Variants in GRIN3A observed in about 807,000 individuals in gnomAD.
GRIN3A encodes glutamate receptor ionotropic, NMDA 3A.
In GRIN3A, 47 loss-of-function variants were observed where a neutral mutation model predicts 92.4. That is an observed-to-expected ratio of 0.51 (90% CI 0.40 to 0.65). GRIN3A has a LOEUF of 0.65. GRIN3A is among the 30% of genes least tolerant of loss of function. GRIN3A has a pLI of 0.00. For synonymous variants in GRIN3A, 527 were observed against 540.6 expected (o/e 0.97, Z 0.35); for missense variants, 1,324 against 1,393.1 (o/e 0.95, Z 0.79).
At chr9:101,595,100 A>G in intron 6 of GRIN3A, 2 of 620,350 alleles carry the variant, frequency 3.2e-6, no homozygotes, top group Non-Finnish European at 2.7e-6. Context: ...TCAGAGAGGG[A>G]GCGGAGAGAG....
Position 101,716,085 on chromosome 9 carries a change from C to T in GRIN3A, c.699+21196G>A, listed in dbSNP as rs916488846. 2.2e-4 allele frequency among the ~76,000 whole-genome samples: 33 copies of T among 152,014 alleles called. 1 individual carries two copies. Among genetic ancestry groups the T allele is most frequent in the African/African-American group, 6.3e-4 (26 of 41,478 alleles). ...AGTCCATTTATTTAGCAACTTTTTTCGCATGGAATTTGGAAACACTAAAGA... is the reference window on the plus strand; with the variant it reads ...AGTCCATTTATTTAGCAACTTTTTTTGCATGGAATTTGGAAACACTAAAGA... On this transcript the variant is annotated intron_variant, in intron 1 of 8. Transcript: ENST00000361820.
Position 101,569,686 on chromosome 9 carries a change from A to G in GRIN3A, c.*3488T>C, listed in dbSNP as rs1486987907. The G allele has an allele frequency of 1.3e-5, 2 of 152,234 alleles. No homozygotes were observed. Among genetic ancestry groups the G allele is most frequent in the African/African-American group, 4.8e-5 (2 of 41,452 alleles). The allele number at this position is 152,234 out of a possible 1,614,324, so 9.4% of individuals were successfully genotyped here. On this transcript the variant is annotated 3_prime_UTR_variant, in exon 9 of 9. Transcript: ENST00000361820. The stretch of plus-strand genomic sequence containing the variant: ...TAGGTGGGTAAAGAAAGGAATAACT[A>G]AACAGTATAGATAGTAAAGTAGTAT...
rs193283281 is a variant in GRIN3A, at chr9:101,699,594, A to G, written c.700-12394T>C. ...TCTAGCATCTCAAAACACTAAATTCATAATGCTGATGATTTATTTTATATC... is the reference window on the plus strand; with the variant it reads ...TCTAGCATCTCAAAACACTAAATTCGTAATGCTGATGATTTATTTTATATC... On this transcript the variant is annotated intron_variant, in intron 1 of 8. Coordinates refer to ENST00000361820, the MANE Select transcript of GRIN3A (RefSeq NM_133445.3). Among the ~76,000 whole-genome samples, 112 of 152,294 alleles carry G rather than the reference A, an allele frequency of 7.4e-4. 1 individual carries two copies. Among genetic ancestry groups the G allele is most frequent in the Non-Finnish European group, 1.4e-3 (93 of 68,016 alleles).
intron 2 of GRIN3A, among the ~76,000 whole-genome samples, chr9:101,684,063 T>C (rs1051652203): frequency 6.9e-6 from 1 of 145,326 alleles, no homozygotes; most frequent in Admixed American, 6.9e-5. Context: ...CCCCTTCCCT[T>C]CCCTCCCCCT....
chr9:101,737,568 C>G lies in GRIN3A; in HGVS notation c.412G>C (p.Val138Leu), dbSNP rs139027120. ...LLFAVDNLNRVEGLLPYNLSL... is the reference protein window; with the variant it reads ...LLFAVDNLNRLEGLLPYNLSL... ...AGGTTGTAGGGTAGCAGCCCTTCCA[C>G]GCGGTTCAGGTTGTCCACGGCAAAT... The change falls in exon 1 of 9, where the codon GTG becomes CTG. Residue 138 changes from valine to leucine, a missense_variant. Val to Leu is a conservative substitution (Grantham distance 32). Coordinates refer to ENST00000361820, the MANE Select transcript of GRIN3A (RefSeq NM_133445.3). The G allele has an allele frequency of 1.2e-6, 2 of 1,614,196 alleles. No individual in the cohort carries two copies. Among genetic ancestry groups the G allele is most frequent in the South Asian group, 1.1e-5 (1 of 91,090 alleles).
chr9:101,725,806 G>C (rs1174460413), intron 1 of GRIN3A, among the ~76,000 whole-genome samples: 1 of 152,066 alleles, frequency 6.6e-6, no homozygotes, highest in Non-Finnish European at 1.5e-5. Context: ...ATGTTGGCCT[G>C]GCTTGCAATG....
chr9:101,702,055 A>G (rs1361861359), intron 1 of GRIN3A, among the ~76,000 whole-genome samples: 1 of 152,070 alleles, frequency 6.6e-6, no homozygotes, highest in Non-Finnish European at 1.5e-5. Flanking sequence ...TAATCTCAGC[A>G]CCTTGTGAGG....
chr9:101,697,096 G>T (rs1174349649), intron 1 of GRIN3A, among the ~76,000 whole-genome samples: 1 of 152,036 alleles, frequency 6.6e-6, no homozygotes, highest in Non-Finnish European at 1.5e-5. Flanking sequence ...ACTTTTTATT[G>T]ATTCACATTC....
intron 4 of GRIN3A, among the ~76,000 whole-genome samples, chr9:101,624,302 C>T (rs1381382773): frequency 5.9e-5 from 9 of 151,512 alleles, no homozygotes; most frequent in Admixed American, 4.6e-4. Flanking sequence ...TATACATGTG[C>T]CATGCTGGTG....
Position 101,669,364 on chromosome 9 carries a change from C to T in GRIN3A, c.2352+696G>A, listed in dbSNP as rs981387457. ...TTACCTGCACTCTACACTTCCTCTT[C>T]CTTCTTCCCTTAGGGTCAGATGTCT... is the stretch of plus-strand genomic sequence containing the variant. On this transcript the variant is annotated intron_variant, in intron 3 of 8. Coordinates refer to ENST00000361820, the MANE Select transcript of GRIN3A (RefSeq NM_133445.3). Among the ~76,000 whole-genome samples the T allele has an allele frequency of 5.9e-5, 9 of 152,086 alleles. No homozygotes were observed. The East Asian group carries it at 1.7e-3, about 29-fold the overall frequency.
intron 3 of GRIN3A, among the ~76,000 whole-genome samples, chr9:101,666,790 C>A (rs2118943639): frequency 6.6e-6 from 1 of 152,198 alleles, no homozygotes; most frequent in African/African-American, 2.4e-5. Context: ...TTTGTTGCCT[C>A]TCCCAACCAA....
chr9:101,637,131 C>T (rs1264510146), intron 3 of GRIN3A, among the ~76,000 whole-genome samples: 2 of 151,914 alleles, frequency 1.3e-5, no homozygotes, highest in Non-Finnish European at 2.9e-5. Context: ...CTCGCTCTGT[C>T]GCCCAGGCTG....
At chr9:101,615,667 C>A (rs1828440506) in intron 5 of GRIN3A, among the ~76,000 whole-genome samples, 1 of 151,846 alleles carries the variant, frequency 6.6e-6, no homozygotes, top group African/African-American at 2.4e-5. Context: ...TTTATTCAAT[C>A]TTTAAGTCTC....
intron 3 of GRIN3A, among the ~76,000 whole-genome samples, chr9:101,632,415 A>T (rs1345052712): frequency 6.6e-6 from 1 of 152,198 alleles, no homozygotes; most frequent in African/African-American, 2.4e-5. Context: ...AGCTGCTATT[A>T]TTATTATCAT....
At chr9:101,707,516 G>A (rs117326406) in intron 1 of GRIN3A, among the ~76,000 whole-genome samples, 1,810 of 152,134 alleles carry the variant, frequency 0.012, 15 homozygotes, top group Non-Finnish European at 0.019. Flanking sequence ...ATTCCAGATT[G>A]GCAGCTTCTG....
intron 6 of GRIN3A, among the ~76,000 whole-genome samples, chr9:101,606,754 TATC>T (rs1828288107): frequency 6.6e-6 from 1 of 152,276 alleles, no homozygotes; most frequent in East Asian, 1.9e-4. Context: ...AGAAAGAAGT[TATC>T]ATCTGGATAT....
chr9:101,719,310 T>A (rs1482854508), intron 1 of GRIN3A, among the ~76,000 whole-genome samples: 3 of 151,594 alleles, frequency 2.0e-5, no homozygotes, highest in Non-Finnish European at 4.4e-5. Flanking sequence ...TTCCAGCTAC[T>A]CAGGAGGCTG....
At chr9:101,691,278 G>A (rs998684612) in intron 1 of GRIN3A, among the ~76,000 whole-genome samples, 1 of 152,084 alleles carries the variant, frequency 6.6e-6, no homozygotes, top group African/African-American at 2.4e-5. Flanking sequence ...CTCTATGGTG[G>A]ATGAGAGATA....
intron 6 of GRIN3A, among the ~76,000 whole-genome samples, chr9:101,584,303 T>A (rs1043226236): frequency 2.0e-5 from 3 of 152,248 alleles, no homozygotes; most frequent in Non-Finnish European, 4.4e-5. Flanking sequence ...TATTTCATTT[T>A]TCTAAAGGTT....
Sources: allele counts gnomAD v4.1 joint callset (sites outside exome capture counted in the v4.1 genomes callset), GRCh38; gene constraint gnomAD v4.1.1; transcripts MANE v1.5; gene names NCBI Gene and HGNC (gene_info 2026-07-23, HGNC 2026-07-21).